The following ATP2B2 variants were observed in gnomAD, a reference collection of about 807,000 sequenced individuals.
The protein encoded by ATP2B2 is ATPase plasma membrane Ca2+ transporting 2.
A neutral mutation model predicts 120.0 loss-of-function variants in ATP2B2; 15 were observed. The ratio of observed to expected loss-of-function variants is 0.12; its 90% CI spans 0.08 to 0.19. ATP2B2 has a LOEUF of 0.19. ATP2B2 is among the 10% of genes least tolerant of loss of function. ATP2B2 has a pLI of 1.00. For synonymous variants in ATP2B2, 694 were observed against 700.3 expected (o/e 0.99, Z 0.14); for missense variants, 1,045 against 1,719.8 (o/e 0.61, Z 6.94).
At position 10,340,551 on chromosome 3, in the gene ATP2B2, T is replaced by A; in HGVS notation, c.3071A>T (p.Asp1024Val). 3 of 1,614,144 alleles carry A rather than the reference T, an allele frequency of 1.9e-6. No homozygotes were observed. The highest frequency in any genetic ancestry group is 1.7e-6 in the Non-Finnish European group (2 of 1,180,024). Reference protein sequence around the residue: ...RKIHGERNVFDGIFRNPIFCT... With the variant: ...RKIHGERNVFVGIFRNPIFCT... ...GAAGATGGGGTTCCGGAAGATGCCGTCAAAGACATTGCGCTCGCCGTGGAT... is the reference window on the plus strand; with the variant it reads ...GAAGATGGGGTTCCGGAAGATGCCGACAAAGACATTGCGCTCGCCGTGGAT... The change falls in exon 20 of 23, where the codon GAC becomes GTC. Residue 1024 changes from aspartate (D) to valine (V), a missense_variant. Transcript: ENST00000360273. The surrounding 1 kb of genome is among the most constrained non-coding windows in gnomAD (Gnocchi z 5.0).
Position 10,329,081 on chromosome 3 carries a change from TA to T in ATP2B2, c.3464del (p.Leu1155Ter). ...KAFRSSLYEG[L>X]EKPESRTSIH... ...TGGAGGTTCGAGATTCAGGCTTTTC[TA>T]AACCTTCATAGAGAGAGCTACGGAA... On this transcript the variant is annotated frameshift_variant, in exon 23 of 23. Transcript: ENST00000360273. LOFTEE classifies it high-confidence loss of function. This position sits in a 1 kb window ranked among gnomAD's most constrained non-coding sequence, Gnocchi z 5.9. 1 of 1,612,826 alleles carries T rather than the reference TA, an allele frequency of 6.2e-7. No individual in the cohort carries two copies. Among genetic ancestry groups the T allele is most frequent in the Middle Eastern group, 1.7e-4 (1 of 6,056 alleles).
intron 1 of ATP2B2, among the ~76,000 whole-genome samples, chr3:10,627,701 T>C (rs1312108634): frequency 1.3e-5 from 2 of 152,200 alleles, no homozygotes. Flanking sequence ...CATTACGAAT[T>C]TCTCCACTTA....
At chr3:10,600,553 G>A (rs893538304) in intron 2 of ATP2B2, among the ~76,000 whole-genome samples, 10 of 152,218 alleles carry the variant, frequency 6.6e-5, no homozygotes, top group Admixed American at 2.0e-4. Context: ...GCCCTTTCAC[G>A]GCGAGAACTG....
chr3:10,676,566 G>A (rs1457449091), intron 1 of ATP2B2, among the ~76,000 whole-genome samples: 1 of 152,040 alleles, frequency 6.6e-6, no homozygotes, highest in Non-Finnish European at 1.5e-5. Flanking sequence ...CAGTAAACCA[G>A]TAGCAAAGGC....
At chr3:10,626,536 T>G (rs2069704168) in intron 1 of ATP2B2, 1 of 151,538 alleles carries the variant, frequency 6.6e-6, no homozygotes, top group South Asian at 2.1e-4. Flanking sequence ...AAAGTGGATA[T>G]ATGGAGATAC....
chr3:10,478,176 T>A (rs1247262308), intron 1 of ATP2B2, among the ~76,000 whole-genome samples: 1 of 152,234 alleles, frequency 6.6e-6, no homozygotes, highest in Non-Finnish European at 1.5e-5. Context: ...GTATCTTCTT[T>A]TCAGAAATGT....
rs1490078067 is a variant in ATP2B2 at position 10,329,145 on chromosome 3, G to A, written c.3421-20C>T. 1 of 1,593,292 alleles carries A rather than the reference G, an allele frequency of 6.3e-7. No homozygotes were observed. On this transcript the variant is annotated intron_variant, in intron 22 of 22. Transcript: ENST00000360273. This position sits in a 1 kb window ranked among gnomAD's most constrained non-coding sequence, Gnocchi z 5.9. ...GCGGATCTGCAAGGGAAGCACAGGG[G>A]TCAGGAGCACTGCCCAGGGACCACA...
chr3:10,615,211 G>A (rs950579873), intron 2 of ATP2B2, among the ~76,000 whole-genome samples: 3 of 152,172 alleles, frequency 2.0e-5, no homozygotes, highest in African/African-American at 7.2e-5. Context: ...AGTGATGCGA[G>A]CAGATCTGTG....
chr3:10,439,146 A>G (rs912770198), intron 2 of ATP2B2, among the ~76,000 whole-genome samples: 15 of 152,336 alleles, frequency 9.8e-5, no homozygotes, highest in Admixed American at 7.2e-4. Flanking sequence ...TCAAGTGAAG[A>G]GAGGCCTGGA....
At chr3:10,417,399 T>G (rs1019415070) in intron 2 of ATP2B2, among the ~76,000 whole-genome samples, 7 of 152,188 alleles carry the variant, frequency 4.6e-5, no homozygotes, top group African/African-American at 1.7e-4. Flanking sequence ...AAGGACTTTC[T>G]AATGGGTGAG....
intron 2 of ATP2B2, among the ~76,000 whole-genome samples, chr3:10,549,529 G>A (rs2067623170): frequency 6.6e-6 from 1 of 152,248 alleles, no homozygotes; most frequent in African/African-American, 2.4e-5. Context: ...CTGAACATTG[G>A]AAAGTGAGAG....
At position 10,438,981 on chromosome 3, in the gene ATP2B2, C is replaced by T. The variant is rs577660052; in HGVS notation, c.199+10364G>A. 5.9e-5 allele frequency among the ~76,000 whole-genome samples: 9 copies of T among 152,304 alleles called. No homozygotes were observed. The South Asian group carries it at 8.3e-4, about 14-fold the overall frequency. ...CAGGGATGCCCAAATTCTGGTCCCC[C>T]GCTAAACCCGACCTTTGGGAGCCAG... On this transcript the variant is annotated intron_variant, in intron 2 of 22. Transcript: ENST00000360273.
intron 12 of ATP2B2, among the ~76,000 whole-genome samples, chr3:10,370,484 T>G (rs11721136): frequency 6.6e-6 from 1 of 152,176 alleles, no homozygotes; most frequent in African/African-American, 2.4e-5. Flanking sequence ...ACCGCCAGGG[T>G]TCTCTATCAC....
rs1575534868 is a variant in ATP2B2, at chr3:10,593,658, G to A, written c.-415+26259C>T. Among the ~76,000 whole-genome samples, 5 of 152,288 alleles carry A rather than the reference G, an allele frequency of 3.3e-5. 1 individual carries two copies. Among genetic ancestry groups the A allele is most frequent in the African/African-American group, 1.2e-4 (5 of 41,558 alleles). ...CCATTCAGGACATAGGCATGGGCAA[G>A]GACTTCATGTCTAAAACTCCAAAAG... On this transcript the variant is annotated intron_variant, in intron 2 of 21. Coordinates refer to the ATP2B2 transcript ENST00000646379.
intron 3 of ATP2B2, among the ~76,000 whole-genome samples, chr3:10,533,025 C>T (rs1483837487): frequency 7.9e-5 from 12 of 152,152 alleles, no homozygotes; most frequent in African/African-American, 2.7e-4. Context: ...GCTTGTGCAA[C>T]GTAAGTTGTG....
At position 10,342,761 on chromosome 3, in the gene ATP2B2, G is replaced by A. The variant is rs752295184; in HGVS notation, c.2908C>T (p.Leu970Phe). The change falls in exon 19 of 23, where the codon CTC becomes TTC. Residue 970 changes from leucine (L) to phenylalanine (F), a missense_variant. Coordinates refer to ENST00000360273, the MANE Select transcript of ATP2B2 (RefSeq NM_001001331.4). The surrounding 1 kb of genome is among the most constrained non-coding windows in gnomAD (Gnocchi z 4.4). ...VYQLALIFTL[L>F]FVGEKMFQID... ...TGGGCGAGGCGCTCACCAACAAAGA[G>A]CAGGGTGAAGATGAGGGCAAGCTGG... 1 of 1,614,182 alleles carries A rather than the reference G, an allele frequency of 6.2e-7. No homozygotes were observed. The highest frequency in any genetic ancestry group is 8.5e-7 in the Non-Finnish European group (1 of 1,180,034).
chr3:10,468,267 G>A lies in ATP2B2; in HGVS notation c.-319-18405C>T, dbSNP rs538434352. 5.6e-4 allele frequency among the ~76,000 whole-genome samples: 85 copies of A among 152,378 alleles called. 1 individual carries two copies. Among genetic ancestry groups the A allele is most frequent in the Admixed American group, 4.8e-3 (74 of 15,310 alleles). ...AACTCCTGGTGGGGCTGACAGGTGC[G>A]AGGCCAGGGCCCTTAGTGGGGCACA... is the stretch of plus-strand genomic sequence containing the variant. On this transcript the variant is annotated intron_variant, in intron 1 of 22. Transcript: ENST00000360273.
intron 12 of ATP2B2, among the ~76,000 whole-genome samples, chr3:10,364,803 T>C (rs2060996205): frequency 6.6e-6 from 1 of 152,232 alleles, no homozygotes; most frequent in Admixed American, 6.5e-5. Context: ...TGCAATGTGA[T>C]GATTTTTCTA....
chr3:10,547,770 C>T (rs1174158770), intron 2 of ATP2B2, among the ~76,000 whole-genome samples: 2 of 152,196 alleles, frequency 1.3e-5, no homozygotes, highest in African/African-American at 4.8e-5. Context: ...TCTAGGGAAA[C>T]TGAAGTCCCT....
Sources: allele counts gnomAD v4.1 joint callset (sites outside exome capture counted in the v4.1 genomes callset), GRCh38; gene constraint gnomAD v4.1.1; non-coding constraint Gnocchi (gnomAD v3.1); transcripts MANE v1.5; gene names NCBI Gene and HGNC (gene_info 2026-07-23, HGNC 2026-07-21).